PARP12: variants seen among roughly 807,000 people sequenced by gnomAD.
The protein encoded by PARP12 is poly(ADP-ribose) polymerase family member 12.
A neutral mutation model predicts 72.4 loss-of-function variants in PARP12; 59 were observed. The ratio of observed to expected loss-of-function variants is 0.81; its 90% CI spans 0.66 to 1.01. The LOEUF is 1.01. Among genes scored for constraint, PARP12 ranks in the 50% least tolerant of loss-of-function variants. PARP12 has a pLI of 0.00. For missense variants in PARP12, 851 were observed against 914.0 expected (o/e 0.93, Z 0.89); for synonymous variants, 403 against 371.4 (o/e 1.09, Z -0.98).
At chr7:140,049,824 C>A (rs372449059) in intron 4 of PARP12, among the ~76,000 whole-genome samples, 1 of 152,216 alleles carries the variant, frequency 6.6e-6, no homozygotes, top group African/African-American at 2.4e-5. Context: ...AGTCCCAGCA[C>A]AGCGGTAGAG....
intron 6 of PARP12, among the ~76,000 whole-genome samples, chr7:140,040,323 G>A (rs1000852550): frequency 1.3e-5 from 2 of 152,162 alleles, no homozygotes; most frequent in Non-Finnish European, 2.9e-5. Context: ...GTCCCAGGTC[G>A]CCCACGACGG....
chr7:140,041,972 G>A (rs1816493681), intron 5 of PARP12, 133 bp from the exon 6 acceptor site: 1 of 715,746 alleles, frequency 1.4e-6, no homozygotes, highest in Admixed American at 3.0e-5. Context: ...AGTTCCCAGA[G>A]GTAGAGGAAA....
intron 8 of PARP12, chr7:140,033,191 C>A (rs918854399): frequency 4.1e-6 from 4 of 985,012 alleles, no homozygotes. Context: ...CTGCACCCAG[C>A]GCAAAAATAA....
Position 140,062,727 on chromosome 7 carries a change from G to A in PARP12, c.121C>T (p.Arg41Trp), listed in dbSNP as rs983777423. Residue 41 changes from arginine to tryptophan, a missense_variant, in exon 1 of 12, where the codon CGG (arginine) becomes TGG (tryptophan). This residue lies in a region of PARP12 where 492 missense variants were observed against 489.3 expected (regional missense o/e 1.01). Coordinates refer to ENST00000263549, the MANE Select transcript of PARP12 (RefSeq NM_022750.4). ...RMGLSADALERLLRQRGRFVV... is the reference protein window; with the variant it reads ...RMGLSADALEWLLRQRGRFVV... The stretch of plus-strand genomic sequence containing the variant: ...AAGCGCCCACGCTGCCGCAGCAGCC[G>A]CTCCAGCGCGTCGGCGCTCAAGCCC... The A allele has an allele frequency of 9.6e-6, 13 of 1,357,972 alleles. No individual in the cohort carries two copies. In the African/African-American group the frequency reaches 1.7e-4, roughly 18 times the overall value. 84.1% of individuals were successfully genotyped at this position (1,357,972 alleles called of 1,614,324 possible).
At chr7:140,038,318 G>C in intron 6 of PARP12, 2 of 982,478 alleles carry the variant, frequency 2.0e-6, no homozygotes, top group Non-Finnish European at 1.2e-6. Flanking sequence ...GTCCCTAGGA[G>C]CATTCATCTA....
intron 1 of PARP12, among the ~76,000 whole-genome samples, chr7:140,060,202 C>G (rs2001621): frequency 6.6e-6 from 1 of 151,824 alleles, no homozygotes; most frequent in Non-Finnish European, 1.5e-5. Context: ...GTCACTTGCC[C>G]GAAGCCATCA....
chr7:140,054,579 G>A, intron 4 of PARP12, 83 bp downstream of exon 4: 1 of 1,170,080 alleles, frequency 8.5e-7, no homozygotes. Context: ...GGTTTGGTAG[G>A]GGGTGACTTC....
chr7:140,040,762 C>G (rs1167038142), intron 6 of PARP12, among the ~76,000 whole-genome samples: 2 of 152,180 alleles, frequency 1.3e-5, no homozygotes, highest in African/African-American at 4.8e-5. Flanking sequence ...ATCAATGGTG[C>G]CTTCCCTAAA....
In PARP12 at chr7:140,028,639, A is replaced by G. The variant is rs1453269083; in HGVS notation, c.1471T>C (p.Ser491Pro). Reference sequence around the variant, plus strand: ...TGAAAGCCTGGGTCTGGCAGGGCAGAGGAGTCCCAATAGTCTGGGATGCTC... The same window carrying G: ...TGAAAGCCTGGGTCTGGCAGGGCAGGGGAGTCCCAATAGTCTGGGATGCTC... ...PKSIPDYWDS[S>P]ALPDPGFQKI... is the part of the protein sequence containing the mutation. The change falls in exon 9 of 12, where the codon TCT becomes CCT. Residue 491 changes from serine to proline, a missense_variant. Coordinates refer to ENST00000263549, the MANE Select transcript of PARP12 (RefSeq NM_022750.4). The G allele has an allele frequency of 1.4e-5, 23 of 1,602,756 alleles. No homozygotes were observed. The highest frequency in any genetic ancestry group is 1.8e-5 in the Non-Finnish European group (21 of 1,174,378).
At chr7:140,038,404 A>C in intron 6 of PARP12, 8 of 762,222 alleles carry the variant, frequency 1.0e-5, no homozygotes, top group Non-Finnish European at 1.3e-5. Context: ...AGCTGGAGTG[A>C]GTTTGAATTC....
chr7:140,041,863 A>G, intron 5 of PARP12, 24 bp from the exon 6 acceptor site: 2 of 1,583,340 alleles, frequency 1.3e-6, no homozygotes. Context: ...ACAGCAGCAG[A>G]CTGAAAATCC....
At chr7:140,028,269 C>T (rs1270457541) in intron 9 of PARP12, among the ~76,000 whole-genome samples, 1 of 152,164 alleles carries the variant, frequency 6.6e-6, no homozygotes, top group Non-Finnish European at 1.5e-5. Flanking sequence ...CAGGTCCTCC[C>T]CAGGCTGCTT....
chr7:140,028,898 C>T (rs1485365808), intron 8 of PARP12: 7 of 408,016 alleles, frequency 1.7e-5, no homozygotes, highest in Non-Finnish European at 2.7e-5. Context: ...TCCAAACAGT[C>T]CTGAGAGATC....
chr7:140,052,254 C>T (rs1459093361), intron 4 of PARP12, among the ~76,000 whole-genome samples: 1 of 152,204 alleles, frequency 6.6e-6, no homozygotes, highest in Non-Finnish European at 1.5e-5. Context: ...TTCTGGCAGA[C>T]TGTATAAACT....
chr7:140,041,354 T>C (rs1186402809), intron 6 of PARP12: 3 of 289,796 alleles, frequency 1.0e-5, no homozygotes, highest in Non-Finnish European at 1.3e-5. Context: ...GAGAAACATC[T>C]TTCTATCCCA....
At position 140,057,074 on chromosome 7, in the gene PARP12, C is replaced by T. The variant is rs1247235944; in HGVS notation, c.542G>A (p.Cys181Tyr). Residue 181 changes from cysteine to tyrosine, a missense_variant, in exon 3 of 12, where the codon TGC becomes TAC. Cys to Tyr is a radical substitution (Grantham distance 194). Coordinates refer to ENST00000263549, the MANE Select transcript of PARP12 (RefSeq NM_022750.4). ...GCATTCCCCCTGTAAAAAATACTGG[C>T]AGATATGGAGCTTGATGCACTGCTT... The part of the protein sequence containing the change: ...FQKQCIKLHI[C>Y]QYFLQGECKF... 6.2e-7 allele frequency: 1 copy of T among 1,614,048 alleles called. No individual in the cohort carries two copies. The highest frequency in any genetic ancestry group is 1.7e-5 in the Admixed American group (1 of 60,010).
At chr7:140,059,593 T>C (rs1384005416) in intron 1 of PARP12, among the ~76,000 whole-genome samples, 3 of 152,150 alleles carry the variant, frequency 2.0e-5, no homozygotes, top group African/African-American at 7.2e-5. Flanking sequence ...ATGCCTCCTA[T>C]GCCACATCTC....
intron 5 of PARP12, among the ~76,000 whole-genome samples, chr7:140,046,182 C>T (rs1816715672): frequency 6.6e-6 from 1 of 152,192 alleles, no homozygotes; most frequent in Non-Finnish European, 1.5e-5. Context: ...TTTAATCCTC[C>T]TAACAGGAGT....
intron 8 of PARP12, chr7:140,033,224 G>GT (rs1188021125): frequency 1.2e-5 from 12 of 985,292 alleles, no homozygotes; most frequent in African/African-American, 3.5e-5. Flanking sequence ...AAAGGAAAAA[G>GT]TAAGGCACAT....
Sources: allele counts gnomAD v4.1 joint callset (sites outside exome capture counted in the v4.1 genomes callset), GRCh38; gene constraint gnomAD v4.1.1; regional missense constraint gnomAD v4.1.1; transcripts MANE v1.5; gene names NCBI Gene and HGNC (gene_info 2026-07-23, HGNC 2026-07-21).